The following RBMS2 variants were observed in gnomAD, a reference collection of about 807,000 sequenced individuals.
RBMS2 encodes RNA binding motif single stranded interacting protein 2, also known as RNA-binding motif, single-stranded-interacting protein 2.
RBMS2 carries 38 observed loss-of-function variants against 58.4 expected under a neutral mutation model. The ratio of observed to expected loss-of-function variants is 0.65; its 90% CI spans 0.50 to 0.85. The LOEUF (loss-of-function observed/expected upper bound fraction) is 0.85, where lower values mean the gene tolerates loss of function less well. Among genes scored for constraint, RBMS2 ranks in the 40% least tolerant of loss-of-function variants. RBMS2 has a pLI of 0.00. For missense variants in RBMS2, 367 were observed against 503.7 expected, an observed-to-expected ratio of 0.73 and a Z score of 2.60; for synonymous variants, 151 against 180.7, an observed-to-expected ratio of 0.84 and a Z score of 1.32.
chr12:56,558,590 C>CTTTTTT lies in RBMS2; in HGVS notation c.67-3816_67-3811dup, dbSNP rs10676323. Among the ~76,000 whole-genome samples, 63 of 92,212 alleles carry CTTTTTT rather than the reference C, an allele frequency of 6.8e-4. 1 individual carries two copies. Among genetic ancestry groups the CTTTTTT allele is most frequent in the East Asian group, 1.5e-3 (4 of 2,722 alleles). 60.5% of individuals were successfully genotyped at this position (92,212 alleles called of 152,430 possible). ...CTTCTTTCCTTCCTTTTTCTTTTTC[C>CTTTTTT]TTTTTTTTTTTTTTTTGAGACAGAA... On this transcript the variant is annotated intron_variant, in intron 1 of 13. Transcript: ENST00000262031.
At chr12:56,555,785 C>T (rs527305459) in intron 1 of RBMS2, among the ~76,000 whole-genome samples, 1 of 152,004 alleles carries the variant, frequency 6.6e-6, no homozygotes, top group South Asian at 2.1e-4. Context: ...AGATGGGGGT[C>T]TCACCATGTT....
intron 9 of RBMS2, among the ~76,000 whole-genome samples, chr12:56,584,551 C>A (rs1220709961): frequency 1.3e-5 from 2 of 151,720 alleles, no homozygotes; most frequent in Non-Finnish European, 2.9e-5. Flanking sequence ...TTTGGGAGGC[C>A]GAGGAGGGCG....
At chr12:56,546,840 T>C (rs1877340845) in intron 1 of RBMS2, among the ~76,000 whole-genome samples, 1 of 152,172 alleles carries the variant, frequency 6.6e-6, no homozygotes, top group African/African-American at 2.4e-5. Flanking sequence ...ATGGTAACTT[T>C]ATGCTTTAAA....
At position 56,581,829 on chromosome 12, in the gene RBMS2, A is replaced by T. The variant is rs755447083; in HGVS notation, c.733-4A>T. ...AATGTGAACACTGTGTTCTTTCTTT[A>T]TAGGGCGTCATGGCCTTGACCTATG... On this transcript the variant is annotated splice_region_variant and splice_polypyrimidine_tract_variant and intron_variant, in intron 7 of 13. Transcript: ENST00000262031. 6 of 1,614,130 alleles carry T rather than the reference A, an allele frequency of 3.7e-6. No individual in the cohort carries two copies. In the Admixed American group the frequency reaches 6.7e-5, roughly 18 times the overall value.
At position 56,586,938 on chromosome 12, in the gene RBMS2, G is replaced by A. The variant is rs374496064; in HGVS notation, c.951+12G>A. On this transcript the variant is annotated intron_variant, in intron 10 of 13. Coordinates refer to ENST00000262031, the MANE Select transcript of RBMS2 (RefSeq NM_002898.4). The stretch of plus-strand genomic sequence containing the variant: ...TCATGCAGCCTTCAGTGAGTATTCA[G>A]AAGTGGGCAGAAGCCAAAGAGGCAA... The A allele has an allele frequency of 1.5e-4, 245 of 1,606,882 alleles. No individual in the cohort carries two copies. The highest frequency in any genetic ancestry group is 2.1e-4 in the Non-Finnish European group (243 of 1,173,556).
At chr12:56,558,590 C>CTTTTTTTTTT (rs10676323) in intron 1 of RBMS2, among the ~76,000 whole-genome samples, 2 of 92,192 alleles carry the variant, frequency 2.2e-5, no homozygotes, top group Non-Finnish European at 3.9e-5. Context: ...TTTCTTTTTC[C>CTTTTTTTTTT]TTTTTTTTTT....
chr12:56,551,285 G>A (rs1048181661), intron 1 of RBMS2, among the ~76,000 whole-genome samples: 1 of 152,156 alleles, frequency 6.6e-6, no homozygotes, highest in South Asian at 2.1e-4. Flanking sequence ...AATGGCGGAA[G>A]TCATTTGAAT....
rs1301873457 is a variant in RBMS2 at position 56,596,069 on chromosome 12, T to G, written c.*6936T>G. 6.5e-6 allele frequency: 1 copy of G among 152,724 alleles called. No homozygotes were observed. The highest frequency in any genetic ancestry group is 1.5e-5 in the Non-Finnish European group (1 of 68,060). 9.5% of individuals were successfully genotyped at this position (152,724 alleles called of 1,614,324 possible). A position where few individuals can be genotyped will look rare whatever the true frequency, so the allele number is the denominator to read the frequency against. On this transcript the variant is annotated 3_prime_UTR_variant, in exon 14 of 14. Transcript: ENST00000262031. The stretch of plus-strand genomic sequence containing the variant: ...TTTTTAACCTTATTAAAAATGAGAT[T>G]GGTCCTAAAAATATAGAAAGAAATA...
intron 1 of RBMS2, among the ~76,000 whole-genome samples, chr12:56,541,433 A>AC (rs1412049419): frequency 6.6e-6 from 1 of 152,028 alleles, no homozygotes; most frequent in African/African-American, 2.4e-5. Context: ...TCTAACCTTT[A>AC]CCCCACTATT....
At chr12:56,524,577 C>T (rs1387648866) in intron 1 of RBMS2, among the ~76,000 whole-genome samples, 1 of 151,630 alleles carries the variant, frequency 6.6e-6, no homozygotes, top group Non-Finnish European at 1.5e-5. Context: ...CACACCCGGA[C>T]AATTTTTTTG....
intron 2 of RBMS2, among the ~76,000 whole-genome samples, chr12:56,565,185 A>T (rs981131299): frequency 6.6e-6 from 1 of 152,290 alleles, no homozygotes. Flanking sequence ...ACAAGAAAAA[A>T]GTCTGTATAT....
chr12:56,586,799 C>A, intron 9 of RBMS2, 50 bp from the exon 10 acceptor site: 1 of 1,460,868 alleles, frequency 6.8e-7, no homozygotes, highest in Non-Finnish European at 9.6e-7. Context: ...GATCTGTGGG[C>A]TGAATAATAG....
intron 1 of RBMS2, among the ~76,000 whole-genome samples, chr12:56,533,408 C>CT (rs1164155079): frequency 0.025 from 1,608 of 65,146 alleles, 118 homozygotes; most frequent in African/African-American, 0.061. Flanking sequence ...AGCCCTATTA[C>CT]TTTTTTTTTT....
chr12:56,544,917 G>A (rs2657891), intron 1 of RBMS2, among the ~76,000 whole-genome samples: 143,413 of 151,926 alleles, frequency 0.94, 68,068 homozygotes, highest in East Asian at 1. Context: ...TTTAAACTAT[G>A]TATTTAAATT....
At position 56,594,814 on chromosome 12, in the gene RBMS2, G is replaced by A. The variant is rs1885591575; in HGVS notation, c.*5681G>A. On this transcript the variant is annotated 3_prime_UTR_variant, in exon 14 of 14. Coordinates refer to ENST00000262031, the MANE Select transcript of RBMS2 (RefSeq NM_002898.4). ...CAGATCCCCAAACTTCCTTGTCCTTGTTACACGTCTACCTCACAACCTCAC... is the reference window on the plus strand; with the variant it reads ...CAGATCCCCAAACTTCCTTGTCCTTATTACACGTCTACCTCACAACCTCAC... 6.6e-6 allele frequency: 1 copy of A among 152,170 alleles called. No individual in the cohort carries two copies. Among genetic ancestry groups the A allele is most frequent in the African/African-American group, 2.4e-5 (1 of 41,384 alleles). 9.4% of individuals were successfully genotyped at this position (152,170 alleles called of 1,614,324 possible). A position where few individuals can be genotyped will look rare whatever the true frequency, so the allele number is the denominator to read the frequency against.
chr12:56,576,127 C>T (rs532249696), intron 5 of RBMS2, among the ~76,000 whole-genome samples: 3 of 152,010 alleles, frequency 2.0e-5, no homozygotes, highest in Non-Finnish European at 4.4e-5. Flanking sequence ...CACTTGAGAT[C>T]AGGAGGTCAA....
chr12:56,545,965 C>T (rs1203541045), intron 1 of RBMS2, among the ~76,000 whole-genome samples: 1 of 140,402 alleles, frequency 7.1e-6, no homozygotes, highest in Non-Finnish European at 1.5e-5. Context: ...GAGACAGGGT[C>T]TCACTCTGTT....
intron 1 of RBMS2, among the ~76,000 whole-genome samples, chr12:56,550,500 A>G (rs1264197968): frequency 6.6e-6 from 1 of 151,836 alleles, no homozygotes; most frequent in East Asian, 1.9e-4. Context: ...ATTACATTCC[A>G]CCCTGCCTGG....
chr12:56,572,337 C>T (rs898011729), intron 5 of RBMS2, among the ~76,000 whole-genome samples: 1 of 149,816 alleles, frequency 6.7e-6, no homozygotes, highest in Non-Finnish European at 1.5e-5. Flanking sequence ...TTACAATACT[C>T]AAAAACCCAT....
Sources: allele counts gnomAD v4.1 joint callset (sites outside exome capture counted in the v4.1 genomes callset), GRCh38; gene constraint gnomAD v4.1.1; transcripts MANE v1.5; gene names NCBI Gene and HGNC (gene_info 2026-07-23, HGNC 2026-07-21).